Variants in LRBA observed in about 807,000 individuals in gnomAD.
The protein encoded by LRBA is LPS responsive beige-like anchor protein.
A neutral mutation model predicts 330.0 loss-of-function variants in LRBA; 176 were observed. The observed-to-expected ratio is 0.53, with a 90% confidence interval of 0.47 to 0.60. LRBA has a LOEUF of 0.60. Ranked by LOEUF, LRBA falls within the 20% of genes least tolerant of loss-of-function variation. The pLI is 0.00. For synonymous variants in LRBA, 1,230 were observed against 1,193.0 expected, an observed-to-expected ratio of 1.03 and a Z score of -0.64; for missense variants, 3,259 against 3,444.8, an observed-to-expected ratio of 0.95 and a Z score of 1.35.
chr4:150,639,429 A>T (rs1448012798), intron 37 of LRBA, among the ~76,000 whole-genome samples: 2 of 149,176 alleles, frequency 1.3e-5, no homozygotes, highest in Non-Finnish European at 3.0e-5. Flanking sequence ...GAATAATGAG[A>T]TCTAAATTAA....
intron 11 of LRBA, among the ~76,000 whole-genome samples, chr4:150,907,888 TA>T (rs1208123492): frequency 6.6e-6 from 1 of 152,130 alleles, no homozygotes; most frequent in Non-Finnish European, 1.5e-5. Context: ...ATAACACTAT[TA>T]AAATTTTGAC....
intron 17 of LRBA, among the ~76,000 whole-genome samples, chr4:150,874,337 A>G (rs75865665): frequency 1.1e-3 from 167 of 152,248 alleles, no homozygotes; most frequent in Non-Finnish European, 1.7e-3. Context: ...GACACCAGGA[A>G]AAGTTGCAGG....
chr4:150,929,881 A>AT (rs1403013987), intron 2 of LRBA, among the ~76,000 whole-genome samples: 1 of 152,158 alleles, frequency 6.6e-6, no homozygotes, highest in Admixed American at 6.5e-5. Context: ...TATCAACTAG[A>AT]TTTTTTAAAG....
At chr4:150,470,876 C>CACACACACACACACACCA (rs1554034850) in intron 43 of LRBA, among the ~76,000 whole-genome samples, 1,666 of 143,672 alleles carry the variant, frequency 0.012, 28 homozygotes, top group East Asian at 0.049. Context: ...CACACACACA[C>CACACACACACACACACCA]CACACACTAA....
chr4:150,529,830 ATAAAG>A (rs1763874147), intron 40 of LRBA, among the ~76,000 whole-genome samples: 1 of 152,328 alleles, frequency 6.6e-6, no homozygotes. Flanking sequence ...AAACATACAA[ATAAAG>A]TAGAGAGAAT....
At chr4:150,624,758 A>C (rs1008028698) in intron 37 of LRBA, among the ~76,000 whole-genome samples, 5 of 152,180 alleles carry the variant, frequency 3.3e-5, no homozygotes, top group Admixed American at 2.6e-4. Flanking sequence ...ATCTTTACTC[A>C]ATTTTGCCAC....
At chr4:150,444,097 T>G (rs1752268980) in intron 44 of LRBA, among the ~76,000 whole-genome samples, 1 of 151,858 alleles carries the variant, frequency 6.6e-6, no homozygotes. Context: ...CAAAACCGAA[T>G]TTTTTTAAAA....
At chr4:150,633,624 C>G (rs979013873) in intron 37 of LRBA, among the ~76,000 whole-genome samples, 4 of 152,212 alleles carry the variant, frequency 2.6e-5, no homozygotes, top group Non-Finnish European at 2.9e-5. Context: ...GAGCATAACA[C>G]TAATCATGTT....
chr4:150,343,498 A>C (rs1735863374), intron 48 of LRBA, among the ~76,000 whole-genome samples: 1 of 152,186 alleles, frequency 6.6e-6, no homozygotes, highest in South Asian at 2.1e-4. Flanking sequence ...TTGTTGAATA[A>C]ATGAATTAGT....
chr4:150,382,994 C>T (rs1742501975), intron 47 of LRBA, among the ~76,000 whole-genome samples: 1 of 152,100 alleles, frequency 6.6e-6, no homozygotes, highest in African/African-American at 2.4e-5. Flanking sequence ...TTGTTTATAA[C>T]ATTTACTACT....
intron 2 of LRBA, among the ~76,000 whole-genome samples, chr4:150,941,098 G>A (rs1735623699): frequency 6.6e-6 from 1 of 151,886 alleles, no homozygotes; most frequent in African/African-American, 2.4e-5. Flanking sequence ...TGCCTCTCTA[G>A]GTTGAATTAG....
chr4:150,392,852 G>A, intron 47 of LRBA, among the ~76,000 whole-genome samples: 1 of 151,148 alleles, frequency 6.6e-6, no homozygotes, highest in South Asian at 2.1e-4. Flanking sequence ...CCTATCGAGG[G>A]GTGGGGGGCA....
chr4:150,597,061 T>C (rs762621210), intron 38 of LRBA: 9 of 1,248,124 alleles, frequency 7.2e-6, no homozygotes, highest in Non-Finnish European at 1.0e-5. Flanking sequence ...AAAATTACTA[T>C]AAAATATTAC....
chr4:150,669,020 A>G (rs1370618916), intron 37 of LRBA, among the ~76,000 whole-genome samples: 2 of 152,098 alleles, frequency 1.3e-5, no homozygotes, highest in African/African-American at 4.8e-5. Context: ...GAGATAGCAA[A>G]ACCAGTCATT....
rs1440593177 is a variant in LRBA at position 150,640,026 on chromosome 4, T to C, written c.5922-40895A>G. Among the ~76,000 whole-genome samples, 4 of 150,226 alleles carry C rather than the reference T, an allele frequency of 2.7e-5. No homozygotes were observed. In the South Asian group the frequency reaches 6.4e-4, roughly 24 times the overall value. On this transcript the variant is annotated intron_variant, in intron 37 of 56. Coordinates refer to ENST00000651943, the MANE Select transcript of LRBA (RefSeq NM_001364905.1). ...TGCCTGCCACCATGCCCAACTAATT[T>C]TTTGTATTTTTAGTAGAGATGGGAT...
intron 52 of LRBA, among the ~76,000 whole-genome samples, chr4:150,307,565 T>A (rs370480718): frequency 9.5e-4 from 132 of 139,308 alleles, no homozygotes; most frequent in Middle Eastern, 7.3e-3. Context: ...TATAAAAATT[T>A]AAAAAAAAAA....
chr4:150,828,504 C>T lies in LRBA; in HGVS notation c.4847G>A (p.Gly1616Glu). Residue 1616 changes from glycine to glutamate, a missense_variant, in exon 30 of 57, where the codon GGA becomes GAA. Coordinates refer to ENST00000651943, the MANE Select transcript of LRBA (RefSeq NM_001364905.1). ...GTGAGGAGTTACTTCCACATGGCTTCCTAAACCAGTGGCTGTTTCTTCCCC... is the reference window on the plus strand; with the variant it reads ...GTGAGGAGTTACTTCCACATGGCTTTCTAAACCAGTGGCTGTTTCTTCCCC... Reference protein sequence around the residue: ...GIGEETATGLGSHVEVTPHTA... With the variant: ...GIGEETATGLESHVEVTPHTA... 6.2e-7 allele frequency: 1 copy of T among 1,614,096 alleles called. No homozygotes were observed.
At position 150,931,365 on chromosome 4, in the gene LRBA, G is replaced by T. The variant is rs1349540726; in HGVS notation, c.217-2300C>A. On this transcript the variant is annotated intron_variant, in intron 2 of 56. Transcript: ENST00000651943. ...TAATAATGCTTGGCTGACGGTGGTG[G>T]TTATTGTTATTATAAGTTTTATAAT... is the stretch of plus-strand genomic sequence containing the variant. Among the ~76,000 whole-genome samples the T allele has an allele frequency of 2.0e-5, 3 of 150,962 alleles. No individual in the cohort carries two copies. The East Asian group carries it at 5.8e-4, about 29-fold the overall frequency.
intron 27 of LRBA, 99 bp downstream of exon 27, chr4:150,844,559 T>C: frequency 5.5e-6 from 6 of 1,093,646 alleles, no homozygotes; most frequent in Non-Finnish European, 5.2e-6. Context: ...TTTTAATCTC[T>C]GCCAGATTTA....
Sources: allele counts gnomAD v4.1 joint callset (sites outside exome capture counted in the v4.1 genomes callset), GRCh38; gene constraint gnomAD v4.1.1; transcripts MANE v1.5; gene names NCBI Gene and HGNC (gene_info 2026-07-23, HGNC 2026-07-21).